The following IQSEC3 variants were observed in gnomAD, a reference collection of about 807,000 sequenced individuals.
IQSEC3 encodes the protein IQ motif and SEC7 domain-containing protein 3.
Under a neutral mutation model 105.4 loss-of-function variants are expected in IQSEC3, and 50 were observed. That is an observed-to-expected ratio of 0.47 (90% CI 0.38 to 0.60). The LOEUF (loss-of-function observed/expected upper bound fraction) is 0.60, where lower values mean the gene tolerates loss of function less well. IQSEC3 is among the 20% of genes least tolerant of loss of function. The pLI is 0.00. For synonymous variants in IQSEC3, 708 were observed against 746.0 expected, an observed-to-expected ratio of 0.95 and a Z score of 0.83; for missense variants, 1,415 against 1,630.0, an observed-to-expected ratio of 0.87 and a Z score of 2.27.
chr12:139,994 G>A (rs1457455520), intron 4 of IQSEC3: 1 of 152,266 alleles, frequency 6.6e-6, no homozygotes, highest in African/African-American at 2.4e-5. Context: ...CAGAGGAAAG[G>A]AAGCACACCT....
chr12:101,004 G>A (rs1295792420), intron 2 of IQSEC3, among the ~76,000 whole-genome samples: 3 of 152,156 alleles, frequency 2.0e-5, no homozygotes, highest in Admixed American at 2.0e-4. Flanking sequence ...TGTCTGGCCT[G>A]CCTCCAGCTC....
Position 139,322 on chromosome 12 carries a change from G to A in IQSEC3, c.1959G>A (p.Arg653=). 2 of 1,591,578 alleles carry A rather than the reference G, an allele frequency of 1.3e-6. No homozygotes were observed. The highest frequency in any genetic ancestry group is 1.7e-6 in the Non-Finnish European group (2 of 1,169,966). ...TCTCCACCGACACCCTGCGCAAGCG[G>A]CTCTACCGCATCGGCCTCAACCTCT... ...PTLSTDTLRK[R]LYRIGLNLFN... Residue 653 remains arginine (R), a synonymous_variant, in exon 4 of 14, where the codon CGG becomes CGA. Coordinates refer to ENST00000538872, the MANE Select transcript of IQSEC3 (RefSeq NM_001170738.2).
chr12:166,732 T>C (rs782632200), intron 11 of IQSEC3: 2 of 152,220 alleles, frequency 1.3e-5, no homozygotes, highest in Non-Finnish European at 2.9e-5. Flanking sequence ...CATTAGGCGC[T>C]AGGAAAGGCA....
intron 8 of IQSEC3, among the ~76,000 whole-genome samples, chr12:162,557 T>A (rs186723297): frequency 2.6e-5 from 4 of 152,348 alleles, no homozygotes; most frequent in Admixed American, 1.3e-4. Flanking sequence ...TACTACACTT[T>A]ATACTATAAA....
intron 3 of IQSEC3, 30 bp downstream of exon 3, chr12:125,942 G>A (rs1478237524): frequency 3.3e-6 from 5 of 1,520,850 alleles, no homozygotes; most frequent in East Asian, 2.5e-5. Flanking sequence ...GGGGCGGGGA[G>A]GGTGGTGAAG....
At chr12:111,074 G>A (rs1285871674) in intron 2 of IQSEC3, among the ~76,000 whole-genome samples, 1 of 152,150 alleles carries the variant, frequency 6.6e-6, no homozygotes, top group Admixed American at 6.5e-5. Context: ...ATGTATGGGG[G>A]GGCAAGCGTG....
chr12:177,984 AT>A lies in IQSEC3; in HGVS notation c.*2954del, dbSNP rs1168410759. ...TTGGGAAATCTGGGTCCCTCTCCTG[AT>A]TTGATCCATTCGGCCCCAACTCCAG... On this transcript the variant is annotated 3_prime_UTR_variant, in exon 14 of 14. Coordinates refer to ENST00000538872, the MANE Select transcript of IQSEC3 (RefSeq NM_001170738.2). The surrounding 1 kb of genome is among the most constrained non-coding windows in gnomAD (Gnocchi z 5.3). 3 of 152,268 alleles carry A rather than the reference AT, an allele frequency of 2.0e-5. No individual in the cohort carries two copies. Among genetic ancestry groups the A allele is most frequent in the African/African-American group, 7.2e-5 (3 of 41,410 alleles). The allele number at this position is 152,268 out of a possible 1,614,324, so 9.4% of individuals were successfully genotyped here.
At chr12:75,515 T>A (rs1404684870) in intron 1 of IQSEC3, among the ~76,000 whole-genome samples, 2 of 152,152 alleles carry the variant, frequency 1.3e-5, no homozygotes, top group African/African-American at 4.8e-5. Context: ...TGATGTGTGA[T>A]AAGCTTGTTT....
chr12:114,820 C>T (rs1865000253), intron 2 of IQSEC3, among the ~76,000 whole-genome samples: 2 of 152,236 alleles, frequency 1.3e-5, no homozygotes, highest in African/African-American at 4.8e-5. Context: ...ATGGGGTATT[C>T]CCCATGCCAG....
intron 5 of IQSEC3, among the ~76,000 whole-genome samples, chr12:154,004 G>T (rs1866597571): frequency 6.6e-6 from 1 of 152,104 alleles, no homozygotes; most frequent in Non-Finnish European, 1.5e-5. Flanking sequence ...CTCCGCTGTG[G>T]GGTCCTGAGA....
chr12:89,150 C>T (rs1471727610), intron 1 of IQSEC3, among the ~76,000 whole-genome samples: 1 of 152,142 alleles, frequency 6.6e-6, no homozygotes, highest in Non-Finnish European at 1.5e-5. Flanking sequence ...TAGGCCCAGG[C>T]CCCAAATTTC....
intron 13 of IQSEC3, chr12:171,438 A>T: frequency 2.1e-6 from 2 of 938,780 alleles, no homozygotes; most frequent in South Asian, 3.0e-5. Flanking sequence ...GACGGAGCTC[A>T]CGGCACCCTA....
At chr12:89,240 A>G (rs1591640580) in intron 1 of IQSEC3, among the ~76,000 whole-genome samples, 1 of 152,166 alleles carries the variant, frequency 6.6e-6, no homozygotes, top group Non-Finnish European at 1.5e-5. Context: ...TCAGTGATGA[A>G]CCATCTAGTC....
intron 2 of IQSEC3, among the ~76,000 whole-genome samples, chr12:104,376 AT>A (rs1397391539): frequency 1.3e-5 from 2 of 152,184 alleles, no homozygotes; most frequent in African/African-American, 4.8e-5. Context: ...AATAACATCT[AT>A]TTCCTCTGAT....
chr12:102,014 C>T (rs552424974), intron 2 of IQSEC3, among the ~76,000 whole-genome samples: 6 of 152,222 alleles, frequency 3.9e-5, no homozygotes, highest in East Asian at 1.9e-4. Flanking sequence ...CTGGCACAGG[C>T]GGGTAGGTCA....
chr12:142,985 T>G (rs1866095578), intron 5 of IQSEC3, among the ~76,000 whole-genome samples: 1 of 152,208 alleles, frequency 6.6e-6, no homozygotes, highest in Non-Finnish European at 1.5e-5. Context: ...GACTGTTGTC[T>G]GTTTTCTTCT....
chr12:165,814 C>G lies in IQSEC3; in HGVS notation c.2895C>G (p.Asp965Glu), dbSNP rs782285801. The change falls in exon 11 of 14, where the codon GAC (aspartate) becomes GAG (glutamate). Residue 965 changes from aspartate (D) to glutamate (E), a missense_variant. Physicochemically the swap from Asp to Glu is conservative, Grantham distance 45 (BLOSUM62 2). Around this residue, in one of 6 missense-constraint regions of IQSEC3, gnomAD observed 419 missense variants for 436.2 expected, o/e 0.96. Transcript: ENST00000538872. Reference protein sequence around the residue: ...QVLHFCALGSDEMQKFVEDLK... With the variant: ...QVLHFCALGSEEMQKFVEDLK... Reference sequence around the variant, plus strand: ...TGCATTTCTGTGCCCTGGGCTCGGACGAGATGCAGAAGTTCGTGGAGGACC... The same window carrying G: ...TGCATTTCTGTGCCCTGGGCTCGGAGGAGATGCAGAAGTTCGTGGAGGACC... The G allele has an allele frequency of 6.2e-7, 1 of 1,614,040 alleles. No homozygotes were observed. The highest frequency in any genetic ancestry group is 8.5e-7 in the Non-Finnish European group (1 of 1,180,022).
intron 2 of IQSEC3, among the ~76,000 whole-genome samples, chr12:102,182 TC>T (rs1186211912): frequency 6.9e-6 from 1 of 143,934 alleles, no homozygotes; most frequent in Non-Finnish European, 1.5e-5. Context: ...GTCTGGCTCC[TC>T]CCCCGTCAGT....
chr12:149,956 G>A (rs1018818276), intron 5 of IQSEC3, among the ~76,000 whole-genome samples: 7 of 152,222 alleles, frequency 4.6e-5, no homozygotes, highest in African/African-American at 1.7e-4. Context: ...TGGGAGAAAT[G>A]TGAGCAGGGA....
Sources: allele counts gnomAD v4.1 joint callset (sites outside exome capture counted in the v4.1 genomes callset), GRCh38; gene constraint gnomAD v4.1.1; regional missense constraint gnomAD v4.1.1; non-coding constraint Gnocchi (gnomAD v3.1); transcripts MANE v1.5; gene names NCBI Gene and HGNC (gene_info 2026-07-23, HGNC 2026-07-21).